PFKFB3: variants seen among roughly 807,000 people sequenced by gnomAD.
PFKFB3 encodes the protein 6-phosphofructo-2-kinase/fructose-2,6-bisphosphatase 3.
PFKFB3 carries 33 observed loss-of-function variants against 68.0 expected under a neutral mutation model. The observed-to-expected ratio is 0.49, with a 90% confidence interval of 0.37 to 0.65. The LOEUF is 0.65. Ranked by LOEUF, PFKFB3 falls within the 30% of genes least tolerant of loss-of-function variation. The pLI is 0.00. For missense variants in PFKFB3, 586 were observed against 712.2 expected (o/e 0.82, Z 2.02); for synonymous variants, 315 against 288.2 (o/e 1.09, Z -0.94).
At position 6,177,408 on chromosome 10, in the gene PFKFB3, C is replaced by CTTTCTTTCTTTG. The variant is rs1454122984; in HGVS notation, c.16+32397_16+32398insTCTTTCTTTGTT. On this transcript the variant is annotated intron_variant, in intron 1 of 14. Transcript: ENST00000379789. ...TCTTTCTTTCTTTCTTTCTTTCTTTCTTCTTTCTCTTTCTTCCTTTCTTTT... is the reference window on the plus strand; with the variant it reads ...TCTTTCTTTCTTTCTTTCTTTCTTTCTTTCTTTCTTTGTTCTTTCTCTTTCTTCCTTTCTTTT... Among the ~76,000 whole-genome samples the CTTTCTTTCTTTG allele has an allele frequency of 1.5e-4, 8 of 52,624 alleles. No homozygotes were observed. The East Asian group carries it at 3.2e-3, about 21-fold the overall frequency. 34.5% of individuals were successfully genotyped at this position (52,624 alleles called of 152,430 possible).
chr10:6,272,138 A>T, the PFKFB3 span, among the ~76,000 whole-genome samples: 1 of 152,212 alleles, frequency 6.6e-6, no homozygotes, highest in African/African-American at 2.4e-5. Flanking sequence ...GTATGTTATG[A>T]ACAAGTGCAA....
At chr10:6,198,557 A>G (rs1021639629), upstream of PFKFB3, among the ~76,000 whole-genome samples, 4 of 152,250 alleles carry the variant, frequency 2.6e-5, no homozygotes, top group African/African-American at 4.8e-5. Context: ...ATCTTGGCTC[A>G]CTGCAACCTC....
At chr10:6,278,108 G>A in the PFKFB3 span, among the ~76,000 whole-genome samples, 1 of 151,894 alleles carries the variant, frequency 6.6e-6, no homozygotes, top group Non-Finnish European at 1.5e-5. Flanking sequence ...AGTAGAGACG[G>A]GGTTTCGCCA....
intron 1 of PFKFB3, among the ~76,000 whole-genome samples, chr10:6,212,036 C>T (rs1385249307): frequency 6.6e-6 from 1 of 152,244 alleles, no homozygotes; most frequent in Non-Finnish European, 1.5e-5. Context: ...TAAGCCTGCT[C>T]AGCTCGGACA....
At chr10:6,246,317 A>G (rs1277003525) in intron 14 of PFKFB3, among the ~76,000 whole-genome samples, 3 of 148,870 alleles carry the variant, frequency 2.0e-5, no homozygotes, top group East Asian at 3.9e-4. Context: ...TTTTATTTTT[A>G]TTTATTTTAT....
At position 6,206,392 on chromosome 10, in the gene PFKFB3, T is replaced by TC. The variant is rs1409103466; in HGVS notation, c.76+3060dup. On this transcript the variant is annotated intron_variant, in intron 1 of 14. Coordinates refer to ENST00000379775, the MANE Select transcript of PFKFB3 (RefSeq NM_004566.4). ...AGCAACCATCCGATTTCTCAATCTT[T>TC]CCCCGCCCCTTTCCCCCCTTTCTAT... Among the ~76,000 whole-genome samples the TC allele has an allele frequency of 2.3e-4, 30 of 132,756 alleles. 2 individuals carry two copies. Among genetic ancestry groups the TC allele is most frequent in the East Asian group, 6.7e-4 (3 of 4,490 alleles). 87.1% of individuals were successfully genotyped at this position (132,756 alleles called of 152,430 possible).
intron 1 of PFKFB3, among the ~76,000 whole-genome samples, chr10:6,189,104 G>C (rs1842959207): frequency 6.6e-6 from 1 of 152,174 alleles, no homozygotes; most frequent in Admixed American, 6.5e-5. Flanking sequence ...CTCCCAAAGT[G>C]CTGGGATTAC....
chr10:6,278,305 G>A, the PFKFB3 span, among the ~76,000 whole-genome samples: 7 of 149,988 alleles, frequency 4.7e-5, no homozygotes, highest in South Asian at 2.1e-4. Context: ...TTTTTAAGAG[G>A]GAGTCTTGCT....
At chr10:6,264,203 G>A in the PFKFB3 span, among the ~76,000 whole-genome samples, 35 of 152,250 alleles carry the variant, frequency 2.3e-4, no homozygotes, top group African/African-American at 7.7e-4. Context: ...GTTCCATTAC[G>A]TATTCGTCTA....
chr10:6,220,295 G>T lies in PFKFB3; in HGVS notation c.624-363G>T, dbSNP rs1187141030. Among the ~76,000 whole-genome samples, 1 of 151,956 alleles carries T rather than the reference G, an allele frequency of 6.6e-6. No homozygotes were observed. The highest frequency in any genetic ancestry group is 1.5e-5 in the Non-Finnish European group (1 of 67,996). ...TTTTTTTTTCTTTAGTAGAGATGAG[G>T]TCTTGCTATGTTGCCCAGGCTGGTC... On this transcript the variant is annotated intron_variant, in intron 7 of 14. Transcript: ENST00000379775. This position sits in a 1 kb window ranked among gnomAD's most constrained non-coding sequence, Gnocchi z 4.1.
rs1190963718 is a variant in PFKFB3, at chr10:6,203,179, T to C, written c.-82T>C. The stretch of plus-strand genomic sequence containing the variant: ...CGGCGCACGCCCCCCTCTCCTCCTT[T>C]GTTCCGGGGGTCGGCGGCCGCTCTC... On this transcript the variant is annotated 5_prime_UTR_variant, in exon 1 of 15. Transcript: ENST00000379775. The C allele has an allele frequency of 6.4e-7, 1 of 1,552,660 alleles. No individual in the cohort carries two copies.
downstream of PFKFB3, among the ~76,000 whole-genome samples, chr10:6,255,430 C>G (rs115213927): frequency 7.9e-3 from 1,196 of 151,976 alleles, 15 homozygotes; most frequent in African/African-American, 0.027. Context: ...GGCCCAACCT[C>G]TGTTTCTTTC....
upstream of PFKFB3, among the ~76,000 whole-genome samples, chr10:6,199,863 C>T (rs2131845287): frequency 6.6e-6 from 1 of 151,816 alleles, no homozygotes; most frequent in Non-Finnish European, 1.5e-5. Context: ...CCTTCTCTGA[C>T]CTTTCCTTCC....
At chr10:6,147,053 T>A (rs1841412290) in intron 1 of PFKFB3, among the ~76,000 whole-genome samples, 1 of 152,132 alleles carries the variant, frequency 6.6e-6, no homozygotes, top group African/African-American at 2.4e-5. Context: ...CAGTTGCAGG[T>A]GGGACCTCTC....
rs1844503296 is a variant in PFKFB3, at chr10:6,215,381, C to T, written c.299+64C>T. 7.8e-7 allele frequency: 1 copy of T among 1,278,544 alleles called. No individual in the cohort carries two copies. The allele number at this position is 1,278,544 out of a possible 1,614,324, so 79.2% of individuals were successfully genotyped here. On this transcript the variant is annotated intron_variant, in intron 3 of 14. Transcript: ENST00000379775. This position sits in a 1 kb window ranked among gnomAD's most constrained non-coding sequence, Gnocchi z 4.3. Reference sequence around the variant, plus strand: ...ATAAGGCTGGGCCGCGGGCATAAGGCTGGGCTGCAGGAGTAAGGCTGGGCC... The same window carrying T: ...ATAAGGCTGGGCCGCGGGCATAAGGTTGGGCTGCAGGAGTAAGGCTGGGCC...
the PFKFB3 span, among the ~76,000 whole-genome samples, chr10:6,316,981 G>T: frequency 2.6e-3 from 402 of 152,270 alleles, 2 homozygotes; most frequent in African/African-American, 9.2e-3. Flanking sequence ...TCTCCAGGAA[G>T]AACTCAACTG....
intron 1 of PFKFB3, among the ~76,000 whole-genome samples, chr10:6,177,812 C>T (rs1373390001): frequency 2.6e-5 from 4 of 152,238 alleles, no homozygotes; most frequent in Middle Eastern, 3.4e-3. Flanking sequence ...TGTGTGCCAC[C>T]GTGCCTGGCC....
At chr10:6,223,116 A>G in intron 11 of PFKFB3, 132 bp downstream of exon 11, 1 of 871,862 alleles carries the variant, frequency 1.1e-6, no homozygotes. Context: ...AGAAGGGCAC[A>G]GGTGTCGGCT....
Position 6,215,200 on chromosome 10 carries a change from T to C in PFKFB3, c.203-21T>C. On this transcript the variant is annotated intron_variant, in intron 2 of 14. Transcript: ENST00000379775. The surrounding 1 kb of genome is among the most constrained non-coding windows in gnomAD (Gnocchi z 4.3). Reference sequence around the variant, plus strand: ...CTTCCTCCTGCTCGATCATCCAGACTGTTCTCTTTCCCGTCCACAGTGTTC... The same window carrying C: ...CTTCCTCCTGCTCGATCATCCAGACCGTTCTCTTTCCCGTCCACAGTGTTC... The C allele has an allele frequency of 6.2e-7, 1 of 1,606,814 alleles. No homozygotes were observed. The highest frequency in any genetic ancestry group is 1.1e-5 in the South Asian group (1 of 90,908).
Sources: allele counts gnomAD v4.1 joint callset (sites outside exome capture counted in the v4.1 genomes callset), GRCh38; gene constraint gnomAD v4.1.1; non-coding constraint Gnocchi (gnomAD v3.1); transcripts MANE v1.5; gene names NCBI Gene and HGNC (gene_info 2026-07-23, HGNC 2026-07-21).